The following WDR70 variants were observed in gnomAD, a reference collection of about 807,000 sequenced individuals.
WDR70 encodes WD repeat-containing protein 70.
WDR70 carries 53 observed loss-of-function variants against 88.6 expected under a neutral mutation model. That is an observed-to-expected ratio of 0.60 (90% CI 0.48 to 0.75). WDR70 has a LOEUF of 0.75. Ranked by LOEUF, WDR70 falls within the 30% of genes least tolerant of loss-of-function variation. The pLI, the probability that WDR70 is intolerant of heterozygous loss-of-function variation, is 0.00. For missense variants in WDR70, 610 were observed against 823.2 expected, an observed-to-expected ratio of 0.74 and a Z score of 3.17; for synonymous variants, 280 against 270.0, an observed-to-expected ratio of 1.04 and a Z score of -0.36.
intron 13 of WDR70, among the ~76,000 whole-genome samples, chr5:37,710,738 A>G (rs558913442): frequency 6.6e-6 from 1 of 152,192 alleles, no homozygotes; most frequent in Non-Finnish European, 1.5e-5. Flanking sequence ...AGGAAAACTC[A>G]GTTGGACTGA....
chr5:37,676,184 G>A (rs1339252199), intron 10 of WDR70, among the ~76,000 whole-genome samples: 1 of 151,138 alleles, frequency 6.6e-6, no homozygotes, highest in African/African-American at 2.4e-5. Context: ...CTGCAAACAG[G>A]GACAATTTGA....
At chr5:37,583,377 C>T (rs770112725) in intron 9 of WDR70, among the ~76,000 whole-genome samples, 4 of 150,114 alleles carry the variant, frequency 2.7e-5, no homozygotes, top group East Asian at 2.0e-4. Context: ...GCCGAGATGG[C>T]GCCACTGCAC....
At chr5:37,541,902 C>T (rs183832807) in intron 9 of WDR70, among the ~76,000 whole-genome samples, 4 of 152,200 alleles carry the variant, frequency 2.6e-5, no homozygotes, top group African/African-American at 4.8e-5. Flanking sequence ...CTGAACATGC[C>T]GTATTAAAAA....
chr5:37,430,866 T>C lies in WDR70; in HGVS notation c.493-7056T>C, dbSNP rs1033867799. Among the ~76,000 whole-genome samples the C allele has an allele frequency of 3.9e-5, 6 of 152,126 alleles. No individual in the cohort carries two copies. The South Asian group carries it at 1.2e-3, about 32-fold the overall frequency. ...CGAGCCACCGTGCCCAGCATGTGTA[T>C]GTATACAGTTTTTTTTTCCTTCTAT... is the stretch of plus-strand genomic sequence containing the variant. On this transcript the variant is annotated intron_variant, in intron 5 of 17. Coordinates refer to ENST00000265107, the MANE Select transcript of WDR70 (RefSeq NM_018034.4).
intron 8 of WDR70, among the ~76,000 whole-genome samples, chr5:37,502,775 G>T (rs1440271151): frequency 6.6e-6 from 1 of 152,196 alleles, no homozygotes; most frequent in African/African-American, 2.4e-5. Flanking sequence ...GATGAAGCAG[G>T]AGCAGATACT....
intron 5 of WDR70, among the ~76,000 whole-genome samples, chr5:37,416,535 A>C (rs1248218768): frequency 6.8e-6 from 1 of 147,546 alleles, no homozygotes; most frequent in East Asian, 2.0e-4. Context: ...GGAGAGGGAG[A>C]GGGAGATCGT....
At chr5:37,418,747 C>G (rs1749841390) in intron 5 of WDR70, among the ~76,000 whole-genome samples, 1 of 152,018 alleles carries the variant, frequency 6.6e-6, no homozygotes, top group East Asian at 1.9e-4. Context: ...TTACTATCAT[C>G]AGTAATTTTT....
At chr5:37,467,664 G>T (rs1739198401) in intron 7 of WDR70, among the ~76,000 whole-genome samples, 1 of 151,734 alleles carries the variant, frequency 6.6e-6, no homozygotes, top group East Asian at 1.9e-4. Flanking sequence ...AGCCTCCTCA[G>T]TAGCTGGGAC....
intron 5 of WDR70, among the ~76,000 whole-genome samples, chr5:37,407,602 A>C (rs1235234231): frequency 6.6e-6 from 1 of 152,188 alleles, no homozygotes; most frequent in Admixed American, 6.5e-5. Flanking sequence ...TTAAATAATT[A>C]GTCCAATTTA....
rs1338969795 is a variant in WDR70, at chr5:37,587,310, T to C, written c.918-17754T>C. Among the ~76,000 whole-genome samples the C allele has an allele frequency of 2.0e-5, 3 of 152,014 alleles. No homozygotes were observed. The South Asian group carries it at 6.2e-4, about 31-fold the overall frequency. On this transcript the variant is annotated intron_variant, in intron 9 of 17. Coordinates refer to ENST00000265107, the MANE Select transcript of WDR70 (RefSeq NM_018034.4). The stretch of plus-strand genomic sequence containing the variant: ...AATCTCGTCTTCTACTTGTGCCCAC[T>C]GTGTACTTCATCCTCTTGTCAAAGC...
chr5:37,752,453 A>T, intron 17 of WDR70, 33 bp from the exon 18 acceptor site: 1 of 1,560,666 alleles, frequency 6.4e-7, no homozygotes, highest in Non-Finnish European at 8.7e-7. Context: ...TTCTGACTAA[A>T]TTTTTCCTTC....
intron 5 of WDR70, among the ~76,000 whole-genome samples, chr5:37,402,062 C>G (rs1305851305): frequency 6.6e-6 from 1 of 152,118 alleles, no homozygotes; most frequent in Non-Finnish European, 1.5e-5. Flanking sequence ...TATCTGTTAA[C>G]CAAACTCTCT....
At position 37,722,874 on chromosome 5, in the gene WDR70, G is replaced by A; in HGVS notation, c.1537G>A (p.Val513Ile). Residue 513 changes from valine to isoleucine, a missense_variant, in exon 15 of 18, where the codon GTT becomes ATT. Val to Ile is a conservative substitution (Grantham distance 29, BLOSUM62 3). This residue lies in a region of WDR70 where 254 missense variants were observed against 300.7 expected (regional missense o/e 0.84). Transcript: ENST00000265107. ...CGTTAGGGGAGCAAAATTATGTGTG[G>A]TTAAAACCCAGCGGAAGGCAAAACA... Reference protein sequence around the residue: ...KSQRGAKLCVVKTQRKAKQAE... With the variant: ...KSQRGAKLCVIKTQRKAKQAE... 5 of 1,613,538 alleles carry A rather than the reference G, an allele frequency of 3.1e-6. No individual in the cohort carries two copies. In the South Asian group the frequency reaches 3.3e-5, roughly 11 times the overall value.
intron 8 of WDR70, among the ~76,000 whole-genome samples, chr5:37,503,037 T>C (rs994619021): frequency 2.0e-5 from 3 of 152,216 alleles, no homozygotes; most frequent in African/African-American, 7.2e-5. Context: ...ATCCCTTGGA[T>C]GAAACCCACT....
At chr5:37,579,425 A>G (rs1743155522) in intron 9 of WDR70, among the ~76,000 whole-genome samples, 1 of 151,984 alleles carries the variant, frequency 6.6e-6, no homozygotes, top group Non-Finnish European at 1.5e-5. Context: ...CTCTACTAAA[A>G]ATACAAAAAT....
At chr5:37,591,292 C>G (rs1443809524) in intron 9 of WDR70, among the ~76,000 whole-genome samples, 1 of 152,172 alleles carries the variant, frequency 6.6e-6, no homozygotes. Flanking sequence ...GAGATCACAC[C>G]ACTGCACTCT....
intron 7 of WDR70, among the ~76,000 whole-genome samples, chr5:37,466,338 A>T (rs1313747378): frequency 3.9e-5 from 6 of 152,364 alleles, no homozygotes; most frequent in African/African-American, 1.4e-4. Context: ...ACTGCTTTAT[A>T]TTTATTTCAT....
intron 5 of WDR70, among the ~76,000 whole-genome samples, chr5:37,405,798 C>A (rs993887226): frequency 6.6e-6 from 1 of 152,130 alleles, no homozygotes; most frequent in East Asian, 1.9e-4. Context: ...GTAATCTCAG[C>A]ACTTTAGGAG....
At chr5:37,529,963 A>C (rs1206116538) in intron 9 of WDR70, among the ~76,000 whole-genome samples, 1 of 152,164 alleles carries the variant, frequency 6.6e-6, no homozygotes, top group African/African-American at 2.4e-5. Context: ...TGGGATTGTC[A>C]TAGATGGCTT....
Sources: gnomAD v4.1 joint callset for allele counts (sites outside exome capture counted in the v4.1 genomes callset) on GRCh38, gnomAD v4.1.1 for gene constraint, gnomAD v4.1.1 regional missense constraint, MANE v1.5 for transcripts, NCBI Gene and HGNC (gene_info 2026-07-23, HGNC 2026-07-21) for gene names.